TPCN1: variants seen among roughly 807,000 people sequenced by gnomAD.
TPCN1 encodes the protein two pore channel protein 1.
TPCN1 carries 52 observed loss-of-function variants against 108.8 expected under a neutral mutation model. The ratio of observed to expected loss-of-function variants is 0.48; its 90% CI spans 0.38 to 0.60. The LOEUF (loss-of-function observed/expected upper bound fraction) is 0.60, where lower values mean the gene tolerates loss of function less well. Ranked by LOEUF, TPCN1 falls within the 20% of genes least tolerant of loss-of-function variation. The pLI, the probability that TPCN1 is intolerant of heterozygous loss-of-function variation, is 0.00. For missense variants in TPCN1, 806 were observed against 1,072.8 expected (o/e 0.75, Z 3.47); for synonymous variants, 446 against 433.7 (o/e 1.03, Z -0.35).
chr12:113,234,163 A>G (rs2136453293), intron 2 of TPCN1, among the ~76,000 whole-genome samples: 1 of 152,314 alleles, frequency 6.6e-6, no homozygotes, highest in South Asian at 2.1e-4. Context: ...GCTCCGAGAC[A>G]GGGCAAGTGA....
Position 113,289,921 on chromosome 12 carries a change from C to T in TPCN1, c.1797-207C>T, listed in dbSNP as rs1031409229. 1.5e-4 allele frequency: 76 copies of T among 518,382 alleles called. No homozygotes were observed. Among genetic ancestry groups the T allele is most frequent in the Admixed American group, 1.0e-3 (29 of 28,390 alleles). 32.1% of individuals were successfully genotyped at this position (518,382 alleles called of 1,614,324 possible). ...GTGGGTCAGGCTGGCCAGGGGATCC[C>T]GCCAAGCCCAGCAGGCAGGAATAGC... is the stretch of plus-strand genomic sequence containing the variant. On this transcript the variant is annotated intron_variant, in intron 21 of 27. Coordinates refer to ENST00000335509, the MANE Select transcript of TPCN1 (RefSeq NM_017901.6). The surrounding 1 kb of genome is among the most constrained non-coding windows in gnomAD (Gnocchi z 4.1).
chr12:113,254,124 C>A (rs1302169122), intron 2 of TPCN1, among the ~76,000 whole-genome samples: 1 of 152,190 alleles, frequency 6.6e-6, no homozygotes, highest in Non-Finnish European at 1.5e-5. Flanking sequence ...ACCACCAAAG[C>A]TTTCTCAATA....
Position 113,282,087 on chromosome 12 carries a change from AT to A in TPCN1, c.1342+1913del, listed in dbSNP as rs1247829773. On this transcript the variant is annotated intron_variant, in intron 15 of 27. Coordinates refer to ENST00000335509, the MANE Select transcript of TPCN1 (RefSeq NM_017901.6). Reference sequence around the variant, plus strand: ...AGGTGCCCACCACCACACCCGGCTAATTTTTTTTTTTTTTTTTTTTTGAGAC... The same window carrying A: ...AGGTGCCCACCACCACACCCGGCTAATTTTTTTTTTTTTTTTTTTTGAGAC... 5.3e-3 allele frequency among the ~76,000 whole-genome samples: 486 copies of A among 92,052 alleles called. 2 individuals are homozygous for A. The highest frequency in any genetic ancestry group is 0.016 in the African/African-American group (368 of 22,460). The allele number at this position is 92,052 out of a possible 152,430, so 60.4% of individuals were successfully genotyped here.
intron 24 of TPCN1, 48 bp from the exon 25 acceptor site, chr12:113,291,825 AC>A: frequency 7.0e-7 from 1 of 1,419,894 alleles, no homozygotes; most frequent in Non-Finnish European, 1.0e-6. Context: ...ACGGACACCT[AC>A]CCACCCTCCT....
intron 11 of TPCN1, 21 bp downstream of exon 11, chr12:113,277,056 A>T: frequency 6.2e-7 from 1 of 1,607,964 alleles, no homozygotes. Flanking sequence ...TGGGCCAGGG[A>T]GGGGCTTGGT....
At chr12:113,224,376 G>A (rs1426135186) in intron 1 of TPCN1, among the ~76,000 whole-genome samples, 2 of 152,084 alleles carry the variant, frequency 1.3e-5, no homozygotes, top group African/African-American at 2.4e-5. Flanking sequence ...TACATAGTAC[G>A]CACTCATTGA....
Position 113,298,197 on chromosome 12 carries a change from G to T in TPCN1, c.*2121G>T, listed in dbSNP as rs1222471672. On this transcript the variant is annotated 3_prime_UTR_variant, in exon 28 of 28. Coordinates refer to ENST00000335509, the MANE Select transcript of TPCN1 (RefSeq NM_017901.6). Reference sequence around the variant, plus strand: ...AGCCAGGGTGGGTGCCCTTGTCATTGAGGTTAGGGACAGCTATCCCCAGGT... The same window carrying T: ...AGCCAGGGTGGGTGCCCTTGTCATTTAGGTTAGGGACAGCTATCCCCAGGT... The T allele has an allele frequency of 1.3e-5, 2 of 152,342 alleles. No individual in the cohort carries two copies. The highest frequency in any genetic ancestry group is 2.9e-5 in the Non-Finnish European group (2 of 68,106). 9.4% of individuals were successfully genotyped at this position (152,342 alleles called of 1,614,324 possible).
At chr12:113,259,894 G>A (rs1167577765) in intron 2 of TPCN1, among the ~76,000 whole-genome samples, 2 of 152,228 alleles carry the variant, frequency 1.3e-5, no homozygotes, top group South Asian at 2.1e-4. Context: ...AAGAGCAACA[G>A]ATGGCCCTGC....
At chr12:113,278,267 G>A (rs1290187013) in intron 13 of TPCN1, 30 bp downstream of exon 13, 1 of 1,608,808 alleles carries the variant, frequency 6.2e-7, no homozygotes, top group Admixed American at 1.7e-5. Flanking sequence ...CATAGAAGGA[G>A]TAGACAGAGA....
At position 113,242,365 on chromosome 12, in the gene TPCN1, C is replaced by A. The variant is rs77129280; in HGVS notation, c.112+15401C>A. On this transcript the variant is annotated intron_variant, in intron 2 of 27. Coordinates refer to ENST00000335509, the MANE Select transcript of TPCN1 (RefSeq NM_017901.6). ...AGCATGGCTTTCCGCCTGGCCTACA[C>A]CCCCAGCCTTGCGGAAACAGTGGAG... Among the ~76,000 whole-genome samples, 1,051 of 152,302 alleles carry A rather than the reference C, an allele frequency of 6.9e-3. 47 individuals carry two copies. In the East Asian group the frequency reaches 0.14, roughly 20 times the overall value.
chr12:113,296,236 C>T lies in TPCN1; in HGVS notation c.*160C>T. On this transcript the variant is annotated 3_prime_UTR_variant, in exon 28 of 28. Transcript: ENST00000335509. ...AAGATGGGGCTTGGTTTATAACCAC[C>T]TTGCCCTGTCTTCCTTAACTCCAGA... is the stretch of plus-strand genomic sequence containing the variant. 8.5e-7 allele frequency: 1 copy of T among 1,177,392 alleles called. No homozygotes were observed. 72.9% of individuals were successfully genotyped at this position (1,177,392 alleles called of 1,614,324 possible). A position where few individuals can be genotyped will look rare whatever the true frequency, so the allele number is the denominator to read the frequency against.
intron 2 of TPCN1, chr12:113,245,952 G>T: frequency 2.2e-6 from 1 of 456,090 alleles, no homozygotes; most frequent in Non-Finnish European, 4.4e-6. Context: ...AGAAACCTTG[G>T]ATTCCCTGCA....
intron 15 of TPCN1, 125 bp downstream of exon 15, chr12:113,280,320 A>G: frequency 1.4e-6 from 1 of 709,002 alleles, no homozygotes; most frequent in Non-Finnish European, 2.4e-6. Flanking sequence ...GGGAATTCCC[A>G]GCATGTATAA....
chr12:113,250,466 G>T (rs1954590374), intron 2 of TPCN1, among the ~76,000 whole-genome samples: 1 of 152,202 alleles, frequency 6.6e-6, no homozygotes, highest in African/African-American at 2.4e-5. Flanking sequence ...TCTTTTTGAG[G>T]CCACGTGGTG....
At position 113,284,442 on chromosome 12, in the gene TPCN1, A is replaced by G. The variant is rs536572456; in HGVS notation, c.1343-139A>G. The G allele has an allele frequency of 1.7e-5, 15 of 884,878 alleles. No homozygotes were observed. The highest frequency in any genetic ancestry group is 1.5e-4 in the Admixed American group (7 of 47,008). 54.8% of individuals were successfully genotyped at this position (884,878 alleles called of 1,614,324 possible). A position where few individuals can be genotyped will look rare whatever the true frequency, so the allele number is the denominator to read the frequency against. On this transcript the variant is annotated intron_variant, in intron 15 of 27. Transcript: ENST00000335509. This position sits in a 1 kb window ranked among gnomAD's most constrained non-coding sequence, Gnocchi z 4.1. The stretch of plus-strand genomic sequence containing the variant: ...AGCACTGAGCAGAAAGAAGTTCCCT[A>G]TCAAATGGGTGTGTGGAGCAGCCCT...
At chr12:113,295,443 T>TAAA (rs61221998) in intron 27 of TPCN1, among the ~76,000 whole-genome samples, 1,563 of 92,040 alleles carry the variant, frequency 0.017, 39 homozygotes, top group African/African-American at 0.058. Flanking sequence ...CTCTGTCTCC[T>TAAA]AAAAAAAAAA....
intron 12 of TPCN1, among the ~76,000 whole-genome samples, 192 bp from the exon 13 acceptor site, chr12:113,277,997 C>A (rs1566187129): frequency 1.3e-5 from 2 of 152,100 alleles, no homozygotes; most frequent in African/African-American, 4.8e-5. Context: ...ATTTGTAGTA[C>A]CTCAAGGTCA....
chr12:113,253,119 C>G (rs1024192015), intron 2 of TPCN1, among the ~76,000 whole-genome samples: 1 of 152,092 alleles, frequency 6.6e-6, no homozygotes, highest in Non-Finnish European at 1.5e-5. Flanking sequence ...GAGCATGACC[C>G]GGGGAGGTTA....
At chr12:113,281,263 C>A (rs1400140324) in intron 15 of TPCN1, among the ~76,000 whole-genome samples, 1 of 152,112 alleles carries the variant, frequency 6.6e-6, no homozygotes, top group African/African-American at 2.4e-5. Context: ...TGGTCTCGAA[C>A]TCCTGACCTC....
Sources: gnomAD v4.1 joint callset for allele counts (sites outside exome capture counted in the v4.1 genomes callset) on GRCh38, gnomAD v4.1.1 for gene constraint, Gnocchi (gnomAD v3.1) non-coding constraint, MANE v1.5 for transcripts, NCBI Gene and HGNC (gene_info 2026-07-23, HGNC 2026-07-21) for gene names.